The following PSKH1 variants were observed in gnomAD, a reference collection of about 807,000 sequenced individuals.
PSKH1 encodes the protein serine/threonine-protein kinase H1.
In PSKH1, 12 loss-of-function variants were observed where a neutral mutation model predicts 26.7. That is an observed-to-expected ratio of 0.45 (90% CI 0.29 to 0.73). The LOEUF is 0.73. Among genes scored for constraint, PSKH1 ranks in the 30% least tolerant of loss-of-function variants. The pLI, the probability that PSKH1 is intolerant of heterozygous loss-of-function variation, is 0.11. For synonymous variants in PSKH1, 213 were observed against 234.3 expected (o/e 0.91, Z 0.83); for missense variants, 431 against 595.2 (o/e 0.72, Z 2.87).
chr16:67,914,294 C>T (rs1199648345), intron 2 of PSKH1, among the ~76,000 whole-genome samples: 2 of 150,162 alleles, frequency 1.3e-5, no homozygotes, highest in Non-Finnish European at 3.0e-5. Flanking sequence ...GGATTACAGG[C>T]ATGCGCCACC....
intron 1 of PSKH1, among the ~76,000 whole-genome samples, chr16:67,905,509 C>T (rs1487867382): frequency 6.6e-6 from 1 of 152,210 alleles, no homozygotes. Flanking sequence ...ACCCCGACTT[C>T]ACTCTACATT....
chr16:67,906,035 C>G (rs2058155061), intron 1 of PSKH1, among the ~76,000 whole-genome samples: 1 of 151,898 alleles, frequency 6.6e-6, no homozygotes, highest in Non-Finnish European at 1.5e-5. Context: ...AATGTTTTAT[C>G]TGAATTGTTC....
Position 67,909,399 on chromosome 16 carries a change from G to A in PSKH1, c.650G>A (p.Arg217Gln). 6.2e-7 allele frequency: 1 copy of A among 1,613,632 alleles called. No individual in the cohort carries two copies. The highest frequency in any genetic ancestry group is 8.5e-7 in the Non-Finnish European group (1 of 1,180,020). ...CTGCATGCACTGGGCATCACACACC[G>A]AGACCTCAAACCTGAGAATCTGCTC... is the stretch of plus-strand genomic sequence containing the variant. The part of the protein sequence containing the change: ...RYLHALGITH[R>Q]DLKPENLLYY... Residue 217 changes from arginine (R) to glutamine (Q), a missense_variant, in exon 2 of 3, where the codon CGA becomes CAA. Transcript: ENST00000291041. This position sits in a 1 kb window ranked among gnomAD's most constrained non-coding sequence, Gnocchi z 7.8.
At chr16:67,917,768 A>T (rs2151313997) in intron 2 of PSKH1, among the ~76,000 whole-genome samples, 1 of 152,294 alleles carries the variant, frequency 6.6e-6, no homozygotes, top group Non-Finnish European at 1.5e-5. Flanking sequence ...GAGGATTTAA[A>T]GGCCCAGGGC....
chr16:67,909,544 C>T lies in PSKH1; in HGVS notation c.795C>T (p.Ala265=), dbSNP rs887280383. 2.5e-6 allele frequency: 4 copies of T among 1,613,896 alleles called. No homozygotes were observed. Among genetic ancestry groups the T allele is most frequent in the Non-Finnish European group, 2.5e-6 (3 of 1,180,032 alleles). ...KTTCGTPEYI[A]PEVLVRKPYT... Reference sequence around the variant, plus strand: ...CCTGTGGCACGCCTGAGTACATTGCCCCAGAAGTCCTGGTCCGCAAGCCAT... The same window carrying T: ...CCTGTGGCACGCCTGAGTACATTGCTCCAGAAGTCCTGGTCCGCAAGCCAT... Residue 265 remains alanine (A), a synonymous_variant, in exon 2 of 3, where the codon GCC becomes GCT. Transcript: ENST00000291041. This position sits in a 1 kb window ranked among gnomAD's most constrained non-coding sequence, Gnocchi z 7.8.
rs376293494 is a variant in PSKH1 at position 67,927,569 on chromosome 16, A to G, written c.1202A>G (p.Asn401Ser). 2 of 1,613,692 alleles carry G rather than the reference A, an allele frequency of 1.2e-6. No homozygotes were observed. Among genetic ancestry groups the G allele is most frequent in the African/African-American group, 1.3e-5 (1 of 74,938 alleles). The part of the protein sequence containing the change: ...STRSSRSTRS[N>S]KSRRVREREL... ...CGTTCCAGCCGCTCCACACGCTCCA[A>G]TAAGTCACGCCGTGTGCGGGAACGG... Residue 401 changes from asparagine (N) to serine (S), a missense_variant, in exon 3 of 3, where the codon AAT becomes AGT. By Grantham distance (46) the Asn-to-Ser change is conservative. Transcript: ENST00000291041. This position sits in a 1 kb window ranked among gnomAD's most constrained non-coding sequence, Gnocchi z 5.5.
intron 2 of PSKH1, among the ~76,000 whole-genome samples, chr16:67,925,084 C>T (rs1050394072): frequency 2.0e-4 from 31 of 152,046 alleles, no homozygotes; most frequent in Admixed American, 4.6e-4. Context: ...GGATTATAGG[C>T]GGAAGCCACT....
At chr16:67,904,229 TCTCA>T (rs2058149639) in intron 1 of PSKH1, among the ~76,000 whole-genome samples, 1 of 151,820 alleles carries the variant, frequency 6.6e-6, no homozygotes, top group African/African-American at 2.4e-5. Flanking sequence ...TGAGACTGAG[TCTCA>T]CTCTGTCACC....
rs147942208 is a variant in PSKH1, at chr16:67,912,651, C to G, written c.957+2945C>G. Reference sequence around the variant, plus strand: ...TGGGAGGCCAAGGTGGGCAGATCACCTGAGGTTGGGAGTTCGAGACCAGCC... The same window carrying G: ...TGGGAGGCCAAGGTGGGCAGATCACGTGAGGTTGGGAGTTCGAGACCAGCC... On this transcript the variant is annotated intron_variant, in intron 2 of 2. Transcript: ENST00000291041. 7.0e-4 allele frequency among the ~76,000 whole-genome samples: 106 copies of G among 152,210 alleles called. 1 individual carries two copies. The highest frequency in any genetic ancestry group is 3.4e-3 in the Middle Eastern group (1 of 294).
intron 1 of PSKH1, among the ~76,000 whole-genome samples, chr16:67,896,370 A>G (rs938655448): frequency 3.3e-5 from 5 of 152,068 alleles, no homozygotes; most frequent in South Asian, 4.2e-4. Flanking sequence ...CGGACTCCCA[A>G]AGTGCTGGGA....
intron 1 of PSKH1, among the ~76,000 whole-genome samples, chr16:67,898,975 A>G (rs2058134228): frequency 6.6e-6 from 1 of 152,172 alleles, no homozygotes; most frequent in South Asian, 2.1e-4. Context: ...TGCAGGTGAC[A>G]GGTTATAAAG....
chr16:67,908,989 G>A lies in PSKH1; in HGVS notation c.240G>A (p.Arg80=), dbSNP rs1223262073. Residue 80 remains arginine (R), a synonymous_variant, in exon 2 of 3, where the codon AGG becomes AGA. Coordinates refer to ENST00000291041, the MANE Select transcript of PSKH1 (RefSeq NM_006742.3). ...HTEPPSEPPR[R]ARVAKYRAKF... ...AGCCTCCCTCAGAACCACCACGCAG[G>A]GCCAGGGTAGCTAAGTACAGGGCCA... 9.3e-6 allele frequency: 15 copies of A among 1,613,924 alleles called. No individual in the cohort carries two copies. In the East Asian group the frequency reaches 3.1e-4, roughly 34 times the overall value.
chr16:67,897,187 G>A (rs2151309754), intron 1 of PSKH1, among the ~76,000 whole-genome samples: 1 of 152,286 alleles, frequency 6.6e-6, no homozygotes, highest in South Asian at 2.1e-4. Context: ...CATTCTCTCT[G>A]TGTATCTTGG....
At chr16:67,899,026 G>A (rs1457175651) in intron 1 of PSKH1, among the ~76,000 whole-genome samples, 1 of 152,142 alleles carries the variant, frequency 6.6e-6, no homozygotes, top group Non-Finnish European at 1.5e-5. Flanking sequence ...TTCCTTGCCT[G>A]GAAGACATTC....
At chr16:67,916,441 G>A (rs868425798) in intron 2 of PSKH1, among the ~76,000 whole-genome samples, 3 of 152,304 alleles carry the variant, frequency 2.0e-5, no homozygotes, top group Middle Eastern at 6.8e-3. Flanking sequence ...TGAATAGAAA[G>A]CTTCCTGCAG....
intron 1 of PSKH1, among the ~76,000 whole-genome samples, 182 bp downstream of exon 1, chr16:67,893,553 G>A (rs995666276): frequency 6.6e-6 from 1 of 152,242 alleles, no homozygotes; most frequent in African/African-American, 2.4e-5. Context: ...TCGGGTTCCC[G>A]GCGTCCGAGT....
At chr16:67,914,517 C>T (rs939424167) in intron 2 of PSKH1, among the ~76,000 whole-genome samples, 13 of 150,752 alleles carry the variant, frequency 8.6e-5, no homozygotes, top group African/African-American at 1.5e-4. Flanking sequence ...TGCAGTGGCA[C>T]GATCTCAGCT....
intron 1 of PSKH1, among the ~76,000 whole-genome samples, chr16:67,901,373 C>G (rs1293347227): frequency 6.6e-6 from 1 of 152,158 alleles, no homozygotes; most frequent in East Asian, 1.9e-4. Flanking sequence ...GCTCTATCGC[C>G]CAGGCTGGAG....
chr16:67,909,485 C>G lies in PSKH1; in HGVS notation c.736C>G (p.Arg246Gly). Reference protein sequence around the residue: ...IITDFGLASARKKGDDCLMKT... With the variant: ...IITDFGLASAGKKGDDCLMKT... ...CACCGACTTCGGCCTGGCCAGTGCT[C>G]GCAAGAAGGGTGATGACTGCTTGAT... The change falls in exon 2 of 3, where the codon CGC becomes GGC. Residue 246 changes from arginine to glycine, a missense_variant. Coordinates refer to ENST00000291041, the MANE Select transcript of PSKH1 (RefSeq NM_006742.3). The surrounding 1 kb of genome is among the most constrained non-coding windows in gnomAD (Gnocchi z 7.8). The G allele has an allele frequency of 3.1e-6, 5 of 1,613,590 alleles. No homozygotes were observed. Among genetic ancestry groups the G allele is most frequent in the Middle Eastern group, 1.6e-4 (1 of 6,062 alleles).
Sources: gnomAD v4.1 joint callset for allele counts (sites outside exome capture counted in the v4.1 genomes callset) on GRCh38, gnomAD v4.1.1 for gene constraint, Gnocchi (gnomAD v3.1) non-coding constraint, MANE v1.5 for transcripts, NCBI Gene and HGNC (gene_info 2026-07-23, HGNC 2026-07-21) for gene names.